The following C12orf56 variants were observed in gnomAD, a reference collection of about 807,000 sequenced individuals.
C12orf56 encodes the protein chromosome 12 open reading frame 56, also known as uncharacterized protein C12orf56.
C12orf56 carries 71 observed loss-of-function variants against 69.9 expected under a neutral mutation model. The ratio of observed to expected loss-of-function variants is 1.02; its 90% CI spans 0.84 to 1.24. The LOEUF (loss-of-function observed/expected upper bound fraction) is 1.24. Ranked by LOEUF, C12orf56 falls within the 50% of genes most tolerant of loss-of-function variation. The probability of loss-of-function intolerance (pLI) is 0.00; values close to 1 mark genes in which losing one functional copy is unlikely to be tolerated. For synonymous variants in C12orf56, 276 were observed against 274.1 expected (o/e 1.01, Z -0.07); for missense variants, 732 against 738.5 (o/e 0.99, Z 0.10).
rs73311834 is a variant in C12orf56, at chr12:64,327,117, C to T, written c.488+3843G>A. On this transcript the variant is annotated intron_variant, in intron 3 of 12. Transcript: ENST00000543942. Reference sequence around the variant, plus strand: ...CTAGGAACTCCGCTGAGTGTCCCCACCAGCAAGAACGCTCTCAGCAGATAC... The same window carrying T: ...CTAGGAACTCCGCTGAGTGTCCCCATCAGCAAGAACGCTCTCAGCAGATAC... 1.5e-3 allele frequency among the ~76,000 whole-genome samples: 232 copies of T among 152,348 alleles called. 3 individuals carry two copies. Among genetic ancestry groups the T allele is most frequent in the African/African-American group, 5.2e-3 (216 of 41,580 alleles).
chr12:64,343,579 C>T (rs2039102525), intron 2 of C12orf56, among the ~76,000 whole-genome samples: 1 of 152,190 alleles, frequency 6.6e-6, no homozygotes. Context: ...TTAATTTGCT[C>T]AAGCAATGAA....
chr12:64,346,082 TAGTC>T (rs1287886193), intron 2 of C12orf56, among the ~76,000 whole-genome samples: 1 of 152,146 alleles, frequency 6.6e-6, no homozygotes. Flanking sequence ...AAATTTGTAT[TAGTC>T]AGGGTTCTCT....
In C12orf56 at chr12:64,387,077, C is replaced by CAACAAAAAAAAAAAAAAA. The variant is rs1201123599; in HGVS notation, c.252+3236_252+3237insTTTTTTTTTTTTTTTGTT. On this transcript the variant is annotated intron_variant, in intron 1 of 12. Transcript: ENST00000543942. ...TGGGTAACAGAGCGAGACTCTATCT[C>CAACAAAAAAAAAAAAAAA]AAAAAAAAAAAAAAAAAAAAAAAAA... is the stretch of plus-strand genomic sequence containing the variant. Among the ~76,000 whole-genome samples the CAACAAAAAAAAAAAAAAA allele has an allele frequency of 9.5e-5, 4 of 42,106 alleles. 1 individual carries two copies. Among genetic ancestry groups the CAACAAAAAAAAAAAAAAA allele is most frequent in the African/African-American group, 4.4e-4 (4 of 9,156 alleles). 27.6% of individuals were successfully genotyped at this position (42,106 alleles called of 152,430 possible).
intron 1 of C12orf56, among the ~76,000 whole-genome samples, chr12:64,380,104 C>A (rs1592504405): frequency 1.2e-4 from 6 of 49,978 alleles, no homozygotes; most frequent in Non-Finnish European, 1.5e-4. Flanking sequence ...GACTCCGTCG[C>A]AAAAAAAAAA....
chr12:64,372,677 C>T lies in C12orf56; in HGVS notation c.252+17637G>A, dbSNP rs936277688. 2.0e-5 allele frequency among the ~76,000 whole-genome samples: 3 copies of T among 152,072 alleles called. 1 individual carries two copies. The South Asian group carries it at 6.2e-4, about 32-fold the overall frequency. On this transcript the variant is annotated intron_variant, in intron 1 of 12. Transcript: ENST00000543942. ...TACAGGCACACACCAATATGTCCAG[C>T]TAATTTTTGTATTTTCAGTAGAGAC...
At chr12:64,371,840 A>G (rs1222027789) in intron 1 of C12orf56, among the ~76,000 whole-genome samples, 1 of 151,986 alleles carries the variant, frequency 6.6e-6, no homozygotes, top group African/African-American at 2.4e-5. Flanking sequence ...AAATAAAAAC[A>G]TAATAATAAT....
At chr12:64,356,216 A>T (rs2039315703) in intron 1 of C12orf56, among the ~76,000 whole-genome samples, 1 of 144,900 alleles carries the variant, frequency 6.9e-6, no homozygotes. Flanking sequence ...ATTTAAGCTT[A>T]TTTTTATATT....
intron 10 of C12orf56, 112 bp downstream of exon 10, chr12:64,275,186 T>C (rs1337290223): frequency 4.2e-6 from 3 of 709,008 alleles, no homozygotes; most frequent in African/African-American, 1.8e-5. Flanking sequence ...ATTTTTGATA[T>C]ATTATTAATC....
At chr12:64,344,548 G>A (rs2039115625) in intron 2 of C12orf56, among the ~76,000 whole-genome samples, 1 of 152,286 alleles carries the variant, frequency 6.6e-6, no homozygotes, top group Non-Finnish European at 1.5e-5. Context: ...CCTTGCCTTT[G>A]ACAGTTGAGT....
intron 1 of C12orf56, among the ~76,000 whole-genome samples, chr12:64,357,899 CA>C (rs1192429439): frequency 7.0e-6 from 1 of 143,406 alleles, no homozygotes; most frequent in Non-Finnish European, 1.5e-5. Context: ...GACTCCATCT[CA>C]AAAAAAAAGA....
At chr12:64,365,346 T>TA (rs1592491585) in intron 1 of C12orf56, among the ~76,000 whole-genome samples, 1 of 151,852 alleles carries the variant, frequency 6.6e-6, no homozygotes, top group East Asian at 1.9e-4. Context: ...TTTGTATTTT[T>TA]AGTAGAGATG....
At chr12:64,349,364 A>G (rs1444145543) in intron 2 of C12orf56, among the ~76,000 whole-genome samples, 2 of 152,216 alleles carry the variant, frequency 1.3e-5, no homozygotes, top group Non-Finnish European at 2.9e-5. Flanking sequence ...AAAAATCAAT[A>G]GATGCTGGCA....
At chr12:64,284,842 G>A in intron 7 of C12orf56, 89 bp from the exon 8 acceptor site, 1 of 913,554 alleles carries the variant, frequency 1.1e-6, no homozygotes, top group Non-Finnish European at 1.6e-6. Flanking sequence ...TGCTAAAACT[G>A]CTTCCAGATA....
intron 9 of C12orf56, among the ~76,000 whole-genome samples, chr12:64,276,993 T>TAAAAAAAAAA (rs200351319): frequency 0.015 from 1,067 of 69,096 alleles, 165 homozygotes; most frequent in Middle Eastern, 0.023. Context: ...AACCCTTTCT[T>TAAAAAAAAAA]AAAAAAAAAA....
chr12:64,337,187 T>C (rs181524556), intron 2 of C12orf56, among the ~76,000 whole-genome samples: 116 of 152,292 alleles, frequency 7.6e-4, no homozygotes, highest in African/African-American at 2.6e-3. Flanking sequence ...GTCTGAGTTG[T>C]TTTTACTCAC....
chr12:64,366,909 A>T (rs1263612956), intron 1 of C12orf56, among the ~76,000 whole-genome samples: 62 of 125,880 alleles, frequency 4.9e-4, no homozygotes, highest in East Asian at 1.6e-3. Context: ...TTTATATATT[A>T]TATATAACAC....
At chr12:64,339,934 T>A (rs1262697105) in intron 2 of C12orf56, among the ~76,000 whole-genome samples, 1 of 152,110 alleles carries the variant, frequency 6.6e-6, no homozygotes, top group Admixed American at 6.6e-5. Context: ...GTGGATATGA[T>A]AACTTCCAGT....
chr12:64,375,221 C>A (rs2039625189), intron 1 of C12orf56, among the ~76,000 whole-genome samples: 1 of 151,932 alleles, frequency 6.6e-6, no homozygotes, highest in African/African-American at 2.4e-5. Flanking sequence ...CCATGCCCAG[C>A]TAATTTTGTA....
chr12:64,336,828 C>T (rs1418537502), intron 2 of C12orf56, among the ~76,000 whole-genome samples: 1 of 152,170 alleles, frequency 6.6e-6, no homozygotes, highest in East Asian at 1.9e-4. Context: ...CTCCTTGGAC[C>T]TTCATCCTTC....
Sources: allele counts gnomAD v4.1 joint callset (sites outside exome capture counted in the v4.1 genomes callset), GRCh38; gene constraint gnomAD v4.1.1; transcripts MANE v1.5; gene names NCBI Gene and HGNC (gene_info 2026-07-23, HGNC 2026-07-21).